TMEM132B: variants seen among roughly 807,000 people sequenced by gnomAD.
TMEM132B encodes transmembrane protein 132B.
TMEM132B carries 18 observed loss-of-function variants against 90.8 expected under a neutral mutation model. The observed-to-expected ratio is 0.20, with a 90% CI of 0.14 to 0.29. The LOEUF is 0.29. Among genes scored for constraint, TMEM132B ranks in the 10% least tolerant of loss-of-function variants. TMEM132B has a pLI of 1.00. For synonymous variants in TMEM132B, 504 were observed against 523.3 expected (o/e 0.96, Z 0.50); for missense variants, 1,096 against 1,326.8 (o/e 0.83, Z 2.70).
intron 5 of TMEM132B, among the ~76,000 whole-genome samples, chr12:125,602,126 G>A (rs1378866174): frequency 1.3e-5 from 2 of 152,256 alleles, no homozygotes; most frequent in East Asian, 1.9e-4. Context: ...GGCCAGGATC[G>A]TCCTGATACC....
chr12:125,477,721 G>A (rs930539752), intron 3 of TMEM132B, among the ~76,000 whole-genome samples: 1 of 151,980 alleles, frequency 6.6e-6, no homozygotes, highest in Admixed American at 6.5e-5. Flanking sequence ...CTGTCTGACA[G>A]CTCTGAAGAG....
At chr12:125,448,342 G>C (rs1342841886) in intron 3 of TMEM132B, among the ~76,000 whole-genome samples, 1 of 152,128 alleles carries the variant, frequency 6.6e-6, no homozygotes, top group East Asian at 1.9e-4. Flanking sequence ...CATACTGTCT[G>C]ATCTTAAGTA....
chr12:125,353,069 G>T (rs1354980746), intron 2 of TMEM132B, among the ~76,000 whole-genome samples: 1 of 152,230 alleles, frequency 6.6e-6, no homozygotes, highest in Non-Finnish European at 1.5e-5. Flanking sequence ...ATAAGGCAGT[G>T]TCATATGCTT....
intron 1 of TMEM132B, among the ~76,000 whole-genome samples, chr12:125,241,444 A>C (rs1874065761): frequency 6.6e-6 from 1 of 152,158 alleles, no homozygotes; most frequent in Admixed American, 6.5e-5. Flanking sequence ...ATGCACATTC[A>C]TGGACCCCTG....
chr12:125,260,053 TAGA>T (rs1167491933), intron 1 of TMEM132B, among the ~76,000 whole-genome samples: 2 of 152,184 alleles, frequency 1.3e-5, no homozygotes, highest in Admixed American at 1.3e-4. Context: ...GCTAACTTGG[TAGA>T]AACCACTGGT....
intron 3 of TMEM132B, among the ~76,000 whole-genome samples, chr12:125,434,371 G>C (rs1050193951): frequency 6.6e-6 from 1 of 152,240 alleles, no homozygotes; most frequent in Non-Finnish European, 1.5e-5. Context: ...CGTGTTCACA[G>C]GTTCTGGGGA....
At chr12:125,337,222 G>A (rs976271174) in intron 1 of TMEM132B, among the ~76,000 whole-genome samples, 1 of 152,150 alleles carries the variant, frequency 6.6e-6, no homozygotes, top group African/African-American at 2.4e-5. Flanking sequence ...TGGGACCACT[G>A]CTGTCCAAAT....
At chr12:125,334,535 A>T (rs915534646) in intron 1 of TMEM132B, among the ~76,000 whole-genome samples, 1 of 152,208 alleles carries the variant, frequency 6.6e-6, no homozygotes, top group East Asian at 1.9e-4. Context: ...TGTGTTTTGT[A>T]GAATGTCTTT....
intron 4 of TMEM132B, among the ~76,000 whole-genome samples, chr12:125,541,489 G>A (rs1371983066): frequency 2.0e-5 from 3 of 152,172 alleles, no homozygotes; most frequent in African/African-American, 7.2e-5. Flanking sequence ...GCCTTGAAAA[G>A]TGAGAGGTTG....
At chr12:125,387,484 A>G (rs148821542) in intron 2 of TMEM132B, among the ~76,000 whole-genome samples, 14 of 152,242 alleles carry the variant, frequency 9.2e-5, no homozygotes, top group Non-Finnish European at 1.9e-4. Context: ...GTGTCCCTAC[A>G]TAGACCAGAA....
chr12:125,376,910 C>G (rs1297247370), intron 2 of TMEM132B, among the ~76,000 whole-genome samples: 1 of 152,236 alleles, frequency 6.6e-6, no homozygotes, highest in Non-Finnish European at 1.5e-5. Context: ...GGGAAGAAAA[C>G]TGTGACTGGC....
Position 125,654,095 on chromosome 12 carries a change from T to C in TMEM132B, c.2637T>C (p.Thr879=), listed in dbSNP as rs962579898. The change falls in exon 9 of 9, where the codon ACT becomes ACC. Residue 879 remains threonine, a synonymous_variant. Transcript: ENST00000682704. The surrounding 1 kb of genome is among the most constrained non-coding windows in gnomAD (Gnocchi z 5.8). The stretch of plus-strand genomic sequence containing the variant: ...CAGATGCCTTTACAAGCTTCCCCAC[T>C]CAAGGGAAGTCACCGGACCCCAATA... ...GGPDAFTSFP[T]QGKSPDPNNP... is the part of the protein sequence containing the mutation. The C allele has an allele frequency of 6.2e-7, 1 of 1,613,976 alleles. No homozygotes were observed. Among genetic ancestry groups the C allele is most frequent in the Non-Finnish European group, 8.5e-7 (1 of 1,180,018 alleles).
intron 6 of TMEM132B, among the ~76,000 whole-genome samples, chr12:125,645,701 C>T (rs984919218): frequency 6.6e-6 from 1 of 152,204 alleles, no homozygotes; most frequent in African/African-American, 2.4e-5. Flanking sequence ...ACTTGTGAAT[C>T]TCTGTGTAGA....
Position 125,249,849 on chromosome 12 carries a change from C to T in TMEM132B, c.67+62983C>T, listed in dbSNP as rs1030108565. ...ATGTCACAGTTAGAAGAAACAGGTTCAGAGAGTCCCCCATCGGGCCACACA... is the reference window on the plus strand; with the variant it reads ...ATGTCACAGTTAGAAGAAACAGGTTTAGAGAGTCCCCCATCGGGCCACACA... On this transcript the variant is annotated intron_variant, in intron 1 of 8. Transcript: ENST00000682704. Among the ~76,000 whole-genome samples, 3 of 152,208 alleles carry T rather than the reference C, an allele frequency of 2.0e-5. 1 individual carries two copies. Among genetic ancestry groups the T allele is most frequent in the Admixed American group, 2.0e-4 (3 of 15,292 alleles).
chr12:125,557,525 ACTAAT>A (rs2136782366), intron 4 of TMEM132B, among the ~76,000 whole-genome samples: 1 of 152,264 alleles, frequency 6.6e-6, no homozygotes, highest in South Asian at 2.1e-4. Context: ...ATCTATTATC[ACTAAT>A]CTATCTACTA....
rs60365780 is a variant in TMEM132B, at chr12:125,415,897, T to C, written c.1106+220T>C. ...AAATTTTTATCTTTATTATTACTATTGTTATTGTTTGCAGCGAAGAGTTGA... is the reference window on the plus strand; with the variant it reads ...AAATTTTTATCTTTATTATTACTATCGTTATTGTTTGCAGCGAAGAGTTGA... On this transcript the variant is annotated intron_variant, in intron 3 of 8. Transcript: ENST00000682704. This position sits in a 1 kb window ranked among gnomAD's most constrained non-coding sequence, Gnocchi z 5.3. 0.013 allele frequency among the ~76,000 whole-genome samples: 1,920 copies of C among 152,298 alleles called. 41 individuals carry two copies. Among genetic ancestry groups the C allele is most frequent in the African/African-American group, 0.044 (1,821 of 41,538 alleles).
At chr12:125,305,743 A>G (rs1017973174) in intron 1 of TMEM132B, among the ~76,000 whole-genome samples, 1 of 152,160 alleles carries the variant, frequency 6.6e-6, no homozygotes, top group Non-Finnish European at 1.5e-5. Context: ...GGAGATCTCT[A>G]AGTTTAAAAG....
At chr12:125,512,179 A>G (rs942448640) in intron 3 of TMEM132B, among the ~76,000 whole-genome samples, 7 of 152,194 alleles carry the variant, frequency 4.6e-5, no homozygotes, top group African/African-American at 1.7e-4. Context: ...GGGGGACATG[A>G]TAAGTGAGTA....
At chr12:125,383,708 C>T (rs1179737073) in intron 2 of TMEM132B, among the ~76,000 whole-genome samples, 2 of 152,178 alleles carry the variant, frequency 1.3e-5, no homozygotes, top group African/African-American at 4.8e-5. Flanking sequence ...GGAAAGCCAG[C>T]ATCACTCATG....
Sources: gnomAD v4.1 joint callset for allele counts (sites outside exome capture counted in the v4.1 genomes callset) on GRCh38, gnomAD v4.1.1 for gene constraint, Gnocchi (gnomAD v3.1) non-coding constraint, MANE v1.5 for transcripts, NCBI Gene and HGNC (gene_info 2026-07-23, HGNC 2026-07-21) for gene names.